PUM2: variants seen among roughly 807,000 people sequenced by gnomAD.
PUM2 encodes pumilio homolog 2.
PUM2 carries 57 observed loss-of-function variants against 124.5 expected under a neutral mutation model. The ratio of observed to expected loss-of-function variants is 0.46; its 90% confidence interval spans 0.37 to 0.57. The LOEUF is 0.57. Ranked by LOEUF, PUM2 falls within the 20% of genes least tolerant of loss-of-function variation. The pLI is 0.00. For missense variants in PUM2, 1,065 were observed against 1,290.6 expected (o/e 0.83, Z 2.68); for synonymous variants, 460 against 446.1 (o/e 1.03, Z -0.39).
At chr2:20,305,300 T>G (rs904283754) in intron 7 of PUM2, among the ~76,000 whole-genome samples, 1 of 151,224 alleles carries the variant, frequency 6.6e-6, no homozygotes, top group African/African-American at 2.4e-5. Flanking sequence ...GCCTGGACAA[T>G]AGGGTGAATC....
intron 13 of PUM2, among the ~76,000 whole-genome samples, chr2:20,267,977 C>T (rs1400784071): frequency 1.3e-5 from 2 of 152,176 alleles, no homozygotes; most frequent in East Asian, 3.8e-4. Flanking sequence ...TCACCTTTAT[C>T]CAAGGATGCA....
At chr2:20,330,484 G>A (rs970767175) in intron 1 of PUM2, among the ~76,000 whole-genome samples, 1 of 152,142 alleles carries the variant, frequency 6.6e-6, no homozygotes, top group African/African-American at 2.4e-5. Flanking sequence ...AGATTTTAAT[G>A]CCTATGTAAT....
chr2:20,307,235 C>A (rs1678557723), intron 7 of PUM2, among the ~76,000 whole-genome samples: 1 of 151,844 alleles, frequency 6.6e-6, no homozygotes, highest in African/African-American at 2.4e-5. Context: ...AACAAAAAAA[C>A]TGAAAAATAA....
chr2:20,313,024 A>T (rs1179693141), intron 3 of PUM2, among the ~76,000 whole-genome samples: 6 of 152,230 alleles, frequency 3.9e-5, no homozygotes, highest in Non-Finnish European at 8.8e-5. Context: ...TAGAAAGCTG[A>T]AACTGGATCC....
intron 12 of PUM2, 133 bp downstream of exon 12, chr2:20,282,814 A>G: frequency 9.4e-7 from 1 of 1,059,032 alleles, no homozygotes; most frequent in Non-Finnish European, 1.3e-6. Flanking sequence ...TTTTCCTACA[A>G]ATTAAACCAG....
chr2:20,268,847 A>G lies in PUM2; in HGVS notation c.1958-5387T>C, dbSNP rs140598970. On this transcript the variant is annotated intron_variant, in intron 13 of 20. Coordinates refer to ENST00000361078, the MANE Select transcript of PUM2 (RefSeq NM_015317.5). ...TGTATGTCTATTGCATGTAAAGTAT[A>G]AATCTTTTTTTGTTTCTGAAATGTG... Among the ~76,000 whole-genome samples, 655 of 152,280 alleles carry G rather than the reference A, an allele frequency of 4.3e-3. 5 individuals carry two copies. The highest frequency in any genetic ancestry group is 0.015 in the African/African-American group (617 of 41,548).
rs1662858469 is a variant in PUM2, at chr2:20,249,756, T to C, written c.*1829A>G. ...AGCACTGAACATAAGTGGGTCAACA[T>C]AAATGTTTATACAAAATACTGACTT... is the stretch of plus-strand genomic sequence containing the variant. On this transcript the variant is annotated 3_prime_UTR_variant, in exon 21 of 21. Coordinates refer to ENST00000361078, the MANE Select transcript of PUM2 (RefSeq NM_015317.5). The C allele has an allele frequency of 6.6e-6, 1 of 152,660 alleles. No homozygotes were observed. The allele number at this position is 152,660 out of a possible 1,614,324, so 9.5% of individuals were successfully genotyped here.
intron 16 of PUM2, among the ~76,000 whole-genome samples, chr2:20,256,525 GTAAC>G (rs1664804086): frequency 1.3e-5 from 2 of 152,106 alleles, no homozygotes; most frequent in African/African-American, 4.8e-5. Context: ...TTATCGGGCG[GTAAC>G]TAACATGACT....
At chr2:20,326,370 G>A in intron 2 of PUM2, 1 of 1,304,232 alleles carries the variant, frequency 7.7e-7, no homozygotes. Flanking sequence ...GGAGAGACTT[G>A]GACTCTTTTC....
At chr2:20,286,707 CTCT>C (rs1006252464) in intron 10 of PUM2, among the ~76,000 whole-genome samples, 37 of 152,116 alleles carry the variant, frequency 2.4e-4, no homozygotes, top group African/African-American at 7.7e-4. Context: ...TTTATTCTCT[CTCT>C]TTTTTTTAGA....
chr2:20,318,921 T>C (rs1476716267), intron 2 of PUM2, among the ~76,000 whole-genome samples: 1 of 152,224 alleles, frequency 6.6e-6, no homozygotes, highest in East Asian at 1.9e-4. Context: ...GTAAATTTAT[T>C]CAAAAGGCTT....
intron 7 of PUM2, among the ~76,000 whole-genome samples, chr2:20,301,770 G>A (rs1215268841): frequency 1.3e-5 from 2 of 152,006 alleles, no homozygotes; most frequent in African/African-American, 4.8e-5. Flanking sequence ...GTAGAGACAG[G>A]GTTTTGCCTA....
chr2:20,309,119 C>T (rs1293426974), intron 5 of PUM2, among the ~76,000 whole-genome samples: 1 of 152,002 alleles, frequency 6.6e-6, no homozygotes, highest in African/African-American at 2.4e-5. Context: ...ATGTGGGATG[C>T]AACAGGAAAA....
intron 1 of PUM2, among the ~76,000 whole-genome samples, chr2:20,328,285 G>A (rs1216691993): frequency 5.9e-5 from 9 of 152,138 alleles, no homozygotes; most frequent in South Asian, 2.1e-4. Flanking sequence ...AGCCAAAATC[G>A]TGCCATTGCA....
At chr2:20,278,471 C>A in intron 13 of PUM2, 112 bp downstream of exon 13, 1 of 940,870 alleles carries the variant, frequency 1.1e-6, no homozygotes, top group Non-Finnish European at 1.5e-6. Flanking sequence ...AAAGCAAAAG[C>A]AATTTGGCAT....
In PUM2 at chr2:20,283,437, TA is replaced by T; in HGVS notation, c.1340del (p.Leu447Ter). ...PTAYYDQTGA[L>X]VVGPGARTGL... ...CAGTCCTTGCTCCAGGGCCAACCAC[TA>T]AGGCACCAGTCTGATCATAATAGGC... On this transcript the variant is annotated frameshift_variant, in exon 11 of 21. Transcript: ENST00000361078. LOFTEE classifies it high-confidence loss of function. 6.2e-7 allele frequency: 1 copy of T among 1,613,976 alleles called. No individual in the cohort carries two copies. Among genetic ancestry groups the T allele is most frequent in the Non-Finnish European group, 8.5e-7 (1 of 1,179,910 alleles).
At chr2:20,341,809 C>A (rs1345941338) in intron 1 of PUM2, among the ~76,000 whole-genome samples, 2 of 152,076 alleles carry the variant, frequency 1.3e-5, no homozygotes, top group African/African-American at 4.8e-5. Flanking sequence ...AGAATTAATA[C>A]CTCACCAAGG....
At chr2:20,280,965 C>T (rs1191408461) in intron 12 of PUM2, among the ~76,000 whole-genome samples, 1 of 152,100 alleles carries the variant, frequency 6.6e-6, no homozygotes, top group Non-Finnish European at 1.5e-5. Flanking sequence ...TTAATAATTT[C>T]ATCATAGAGG....
intron 12 of PUM2, among the ~76,000 whole-genome samples, chr2:20,279,132 T>C (rs1670921583): frequency 6.6e-6 from 1 of 152,178 alleles, no homozygotes; most frequent in African/African-American, 2.4e-5. Context: ...GAATTGCAAG[T>C]TGTCTGCATT....
Sources: allele counts gnomAD v4.1 joint callset (sites outside exome capture counted in the v4.1 genomes callset), GRCh38; gene constraint gnomAD v4.1.1; transcripts MANE v1.5; gene names NCBI Gene and HGNC (gene_info 2026-07-23, HGNC 2026-07-21).